HIVEP3: variants seen among roughly 807,000 people sequenced by gnomAD.
HIVEP3 encodes the protein transcription factor HIVEP3.
A neutral mutation model predicts 152.8 loss-of-function variants in HIVEP3; 49 were observed. The observed-to-expected ratio is 0.32, with a 90% CI of 0.26 to 0.41. The LOEUF (loss-of-function observed/expected upper bound fraction) is 0.41. Ranked by LOEUF, HIVEP3 falls within the 10% of genes least tolerant of loss-of-function variation. HIVEP3 has a pLI of 1.00. For missense variants in HIVEP3, 2,790 were observed against 3,103.3 expected, an observed-to-expected ratio of 0.90 and a Z score of 2.40; for synonymous variants, 1,269 against 1,289.0, an observed-to-expected ratio of 0.98 and a Z score of 0.33.
intron 1 of HIVEP3, among the ~76,000 whole-genome samples, chr1:41,945,090 C>T (rs1355386320): frequency 6.6e-6 from 1 of 152,140 alleles, no homozygotes; most frequent in Non-Finnish European, 1.5e-5. Flanking sequence ...TATGTACAAA[C>T]TTTCTTTTCA....
chr1:41,558,533 T>A (rs776492244), intron 5 of HIVEP3, among the ~76,000 whole-genome samples: 1 of 152,196 alleles, frequency 6.6e-6, no homozygotes, highest in African/African-American at 2.4e-5. Flanking sequence ...CTCCTCTTTG[T>A]GACAGGGTAG....
intron 1 of HIVEP3, among the ~76,000 whole-genome samples, chr1:41,925,081 C>T (rs560515215): frequency 1.4e-4 from 21 of 152,278 alleles, no homozygotes; most frequent in African/African-American, 5.1e-4. Context: ...TTCGTGCAGG[C>T]TAATTTTTAC....
chr1:41,957,191 A>G (rs888399687), intron 1 of HIVEP3, among the ~76,000 whole-genome samples: 1 of 151,168 alleles, frequency 6.6e-6, no homozygotes, highest in African/African-American at 2.4e-5. Context: ...ACAAAAGTTA[A>G]AAGAACTGTC....
intron 1 of HIVEP3, among the ~76,000 whole-genome samples, chr1:42,020,199 G>T (rs1645545759): frequency 6.6e-6 from 1 of 151,856 alleles, no homozygotes; most frequent in African/African-American, 2.4e-5. Flanking sequence ...TTGATATAAT[G>T]TTTTTTCTTG....
intron 1 of HIVEP3, among the ~76,000 whole-genome samples, chr1:41,764,382 G>T (rs1426651345): frequency 6.6e-6 from 1 of 152,230 alleles, no homozygotes; most frequent in East Asian, 1.9e-4. Context: ...CGTAGGAGCG[G>T]ATTTAACTGA....
intron 3 of HIVEP3, among the ~76,000 whole-genome samples, chr1:41,591,595 C>T (rs1020872534): frequency 6.6e-6 from 1 of 151,988 alleles, no homozygotes; most frequent in African/African-American, 2.4e-5. Context: ...GCCACCAGAT[C>T]CATCTTCCTG....
chr1:41,709,752 C>A (rs898754508), intron 1 of HIVEP3, among the ~76,000 whole-genome samples: 1 of 152,162 alleles, frequency 6.6e-6, no homozygotes, highest in Non-Finnish European at 1.5e-5. Flanking sequence ...GTCACTGACA[C>A]GGCAAAGTTT....
chr1:41,548,539 TTG>T (rs1491083572), intron 5 of HIVEP3, among the ~76,000 whole-genome samples: 1 of 120,378 alleles, frequency 8.3e-6, no homozygotes, highest in Non-Finnish European at 1.9e-5. Flanking sequence ...CATTTTGGGT[TTG>T]TTTTTTTTTT....
intron 1 of HIVEP3, among the ~76,000 whole-genome samples, chr1:41,809,626 T>G (rs541937329): frequency 6.6e-6 from 1 of 152,382 alleles, no homozygotes; most frequent in African/African-American, 2.4e-5. Flanking sequence ...TAAAGTCAAA[T>G]CACATTCCCC....
intron 1 of HIVEP3, among the ~76,000 whole-genome samples, chr1:41,852,603 T>C (rs982655694): frequency 2.6e-5 from 4 of 152,202 alleles, no homozygotes; most frequent in African/African-American, 9.6e-5. Context: ...ATTGGGATCT[T>C]TGGATGGATT....
At chr1:41,651,655 A>C (rs1645551679) in intron 2 of HIVEP3, among the ~76,000 whole-genome samples, 1 of 152,218 alleles carries the variant, frequency 6.6e-6, no homozygotes, top group African/African-American at 2.4e-5. Flanking sequence ...GGCATCCTGG[A>C]ACCAATTCCC....
intron 3 of HIVEP3, among the ~76,000 whole-genome samples, chr1:41,624,201 CG>C (rs1489650643): frequency 3.3e-5 from 5 of 152,186 alleles, no homozygotes; most frequent in Non-Finnish European, 5.9e-5. Context: ...TCTCAGCATC[CG>C]TGGCCCCTCC....
chr1:41,897,978 AG>A (rs1361029014), intron 1 of HIVEP3, among the ~76,000 whole-genome samples: 48 of 139,188 alleles, frequency 3.4e-4, no homozygotes, highest in African/African-American at 1.3e-3. Context: ...AGAGAGAGAG[AG>A]AGGTGCTGGG....
intron 1 of HIVEP3, among the ~76,000 whole-genome samples, chr1:41,711,376 C>CT (rs1219682368): frequency 6.6e-6 from 1 of 152,236 alleles, no homozygotes; most frequent in Non-Finnish European, 1.5e-5. Context: ...AGTTGCTGGG[C>CT]TATAGCTTCA....
At chr1:41,917,309 C>G (rs1265320113) in intron 1 of HIVEP3, among the ~76,000 whole-genome samples, 2 of 152,114 alleles carry the variant, frequency 1.3e-5, no homozygotes, top group African/African-American at 2.4e-5. Flanking sequence ...TCCCTCCCCC[C>G]GTAACACCCA....
intron 1 of HIVEP3, among the ~76,000 whole-genome samples, chr1:42,028,619 G>T (rs1292925667): frequency 6.6e-6 from 1 of 152,104 alleles, no homozygotes; most frequent in Non-Finnish European, 1.5e-5. Context: ...CATTGCTGGG[G>T]GTCAAAGGGA....
intron 1 of HIVEP3, among the ~76,000 whole-genome samples, chr1:41,744,409 A>G (rs1380226748): frequency 6.6e-6 from 1 of 152,238 alleles, no homozygotes; most frequent in East Asian, 1.9e-4. Flanking sequence ...GAAGAGCTGA[A>G]TCAAACTAGT....
At chr1:41,704,910 CTACCT>C (rs1156758499) in intron 1 of HIVEP3, among the ~76,000 whole-genome samples, 1 of 152,236 alleles carries the variant, frequency 6.6e-6, no homozygotes, top group East Asian at 1.9e-4. Flanking sequence ...ATTTTAGAGC[CTACCT>C]TATGGTGGGC....
intron 3 of HIVEP3, among the ~76,000 whole-genome samples, chr1:41,618,429 T>C (rs1051705373): frequency 3.9e-5 from 6 of 152,206 alleles, no homozygotes; most frequent in African/African-American, 7.2e-5. Flanking sequence ...GCTGGTTTAT[T>C]CCAAAGGGCG....
Sources: gnomAD v4.1 joint callset for allele counts (sites outside exome capture counted in the v4.1 genomes callset) on GRCh38, gnomAD v4.1.1 for gene constraint, MANE v1.5 for transcripts, NCBI Gene and HGNC (gene_info 2026-07-23, HGNC 2026-07-21) for gene names.